EYA4: variants seen among roughly 807,000 people sequenced by gnomAD.
The protein encoded by EYA4 is EYA transcriptional coactivator and phosphatase 4.
A neutral mutation model predicts 87.9 loss-of-function variants in EYA4; 31 were observed. The observed-to-expected ratio is 0.35, with a 90% CI of 0.27 to 0.48. The LOEUF is 0.48. Among genes scored for constraint, EYA4 ranks in the 20% least tolerant of loss-of-function variants. EYA4 has a pLI of 0.99. For missense variants in EYA4, 678 were observed against 761.4 expected, an observed-to-expected ratio of 0.89 and a Z score of 1.29; for synonymous variants, 263 against 270.6, an observed-to-expected ratio of 0.97 and a Z score of 0.28.
At chr6:133,478,926 G>A (rs896520389) in intron 11 of EYA4, among the ~76,000 whole-genome samples, 3 of 152,034 alleles carry the variant, frequency 2.0e-5, no homozygotes, top group Non-Finnish European at 2.9e-5. Flanking sequence ...CCATGACTGG[G>A]GTTCCTCAAG....
At chr6:133,397,743 G>A (rs1050062165) in intron 3 of EYA4, among the ~76,000 whole-genome samples, 8 of 152,180 alleles carry the variant, frequency 5.3e-5, no homozygotes, top group Non-Finnish European at 7.3e-5. Context: ...ACAGCTCCAC[G>A]TGCCTGGGGA....
At chr6:133,390,586 C>T (rs574377631) in intron 3 of EYA4, among the ~76,000 whole-genome samples, 3 of 152,272 alleles carry the variant, frequency 2.0e-5, no homozygotes, top group Non-Finnish European at 4.4e-5. Flanking sequence ...ACCTATCGTT[C>T]CAAACTGACA....
At chr6:133,276,430 A>G (rs1439589868) in intron 2 of EYA4, among the ~76,000 whole-genome samples, 1 of 152,176 alleles carries the variant, frequency 6.6e-6, no homozygotes, top group African/African-American at 2.4e-5. Context: ...AATGCAGTTG[A>G]GAATATATTT....
chr6:133,508,343 T>TTATA (rs77895525), intron 14 of EYA4, among the ~76,000 whole-genome samples: 35 of 151,580 alleles, frequency 2.3e-4, no homozygotes, highest in East Asian at 1.2e-3. Flanking sequence ...CAGAATGATT[T>TTATA]TATATATATA....
chr6:133,348,472 G>A (rs893136890), intron 2 of EYA4, among the ~76,000 whole-genome samples: 2 of 151,514 alleles, frequency 1.3e-5, no homozygotes, highest in African/African-American at 4.9e-5. Context: ...TCACCATATC[G>A]GCCAGGCTGG....
At chr6:133,498,098 G>C (rs555588592) in intron 13 of EYA4, among the ~76,000 whole-genome samples, 1 of 152,306 alleles carries the variant, frequency 6.6e-6, no homozygotes, top group South Asian at 2.1e-4. Context: ...TGATAGGCTA[G>C]TCATGAAGAT....
Position 133,531,172 on chromosome 6 carries a change from T to A in EYA4, c.*2367T>A. The stretch of plus-strand genomic sequence containing the variant: ...GGCTGGTTGCATCACCCCGTGCAGT[T>A]TCTCACACACATCTCTTTTTCTGAT... On this transcript the variant is annotated 3_prime_UTR_variant, in exon 20 of 20. Coordinates refer to ENST00000355286, the MANE Select transcript of EYA4 (RefSeq NM_004100.5). 6.5e-7 allele frequency: 1 copy of A among 1,534,926 alleles called. No individual in the cohort carries two copies. The highest frequency in any genetic ancestry group is 8.7e-7 in the Non-Finnish European group (1 of 1,146,658).
chr6:133,263,647 T>C (rs953345160), intron 1 of EYA4, among the ~76,000 whole-genome samples: 1 of 152,224 alleles, frequency 6.6e-6, no homozygotes, highest in Non-Finnish European at 1.5e-5. Flanking sequence ...GAGGGAGATA[T>C]GTTTTGTGGG....
At chr6:133,431,409 T>G (rs6933900) in intron 3 of EYA4, among the ~76,000 whole-genome samples, 1 of 152,070 alleles carries the variant, frequency 6.6e-6, no homozygotes, top group African/African-American at 2.4e-5. Context: ...CTTGAAATAT[T>G]TAATAAAGTA....
rs1583306088 is a variant in EYA4, at chr6:133,448,182, A to G, written c.277+3A>G. The G allele has an allele frequency of 1.9e-6, 3 of 1,609,106 alleles. No homozygotes were observed. The highest frequency in any genetic ancestry group is 1.7e-4 in the Middle Eastern group (1 of 6,060). ...CAACACCCCCTCTTCTGCAACAAGT[A>G]TGAGAGATGCTGGTACACTGCATGT... On this transcript the variant is annotated splice_donor_region_variant and intron_variant, in intron 5 of 19. Transcript: ENST00000355286.
At chr6:133,437,546 AAACACAG>A (rs1370909465) in intron 3 of EYA4, among the ~76,000 whole-genome samples, 1 of 152,212 alleles carries the variant, frequency 6.6e-6, no homozygotes, top group African/African-American at 2.4e-5. Context: ...ATGAAAAACC[AAACACAG>A]AATGTGTCAT....
intron 11 of EYA4, among the ~76,000 whole-genome samples, chr6:133,476,373 T>C (rs555693218): frequency 2.6e-5 from 4 of 152,102 alleles, no homozygotes; most frequent in South Asian, 4.2e-4. Context: ...CTAGCTGAAG[T>C]GTTATATCCT....
intron 13 of EYA4, among the ~76,000 whole-genome samples, chr6:133,491,123 A>C (rs1375951951): frequency 6.6e-6 from 1 of 152,188 alleles, no homozygotes; most frequent in East Asian, 1.9e-4. Context: ...CAATGAAAAA[A>C]TTAAGAAGGA....
At chr6:133,329,955 G>A (rs1401411734) in intron 2 of EYA4, among the ~76,000 whole-genome samples, 1 of 152,104 alleles carries the variant, frequency 6.6e-6, no homozygotes, top group African/African-American at 2.4e-5. Flanking sequence ...GCATAGGAAT[G>A]AACAAGAGTT....
intron 3 of EYA4, among the ~76,000 whole-genome samples, chr6:133,428,157 A>G (rs917855425): frequency 2.6e-5 from 4 of 152,242 alleles, no homozygotes; most frequent in Non-Finnish European, 4.4e-5. Context: ...AAGAGTCTAT[A>G]GAAAATCCCT....
chr6:133,493,147 T>C (rs1348195432), intron 13 of EYA4, among the ~76,000 whole-genome samples: 1 of 152,160 alleles, frequency 6.6e-6, no homozygotes, highest in African/African-American at 2.4e-5. Context: ...AAAGCTACCC[T>C]GAGCAAAAGG....
intron 2 of EYA4, among the ~76,000 whole-genome samples, chr6:133,275,794 G>A (rs553558562): frequency 1.7e-3 from 257 of 152,156 alleles, no homozygotes; most frequent in African/African-American, 5.9e-3. Flanking sequence ...CTTTAATTTG[G>A]ATAGACATGA....
At chr6:133,322,760 A>C (rs1781191229) in intron 2 of EYA4, among the ~76,000 whole-genome samples, 1 of 152,186 alleles carries the variant, frequency 6.6e-6, no homozygotes, top group Non-Finnish European at 1.5e-5. Flanking sequence ...ATAAGCATAT[A>C]TGAGAAATTT....
At chr6:133,485,480 A>G (rs1254963616) in intron 13 of EYA4, among the ~76,000 whole-genome samples, 1 of 152,228 alleles carries the variant, frequency 6.6e-6, no homozygotes, top group Non-Finnish European at 1.5e-5. Flanking sequence ...AAATGTGTCC[A>G]CAGCCACACA....
Sources: allele counts gnomAD v4.1 joint callset (sites outside exome capture counted in the v4.1 genomes callset), GRCh38; gene constraint gnomAD v4.1.1; transcripts MANE v1.5; gene names NCBI Gene and HGNC (gene_info 2026-07-23, HGNC 2026-07-21).